The following MGAT4C variants were observed in gnomAD, a reference collection of about 807,000 sequenced individuals.
MGAT4C encodes alpha-1,3-mannosyl-glycoprotein 4-beta-N-acetylglucosaminyltransferase C.
Under a neutral mutation model 40.1 loss-of-function variants are expected in MGAT4C, and 19 were observed. The observed-to-expected ratio is 0.47, with a 90% confidence interval of 0.33 to 0.70. The LOEUF is 0.70. Among genes scored for constraint, MGAT4C ranks in the 30% least tolerant of loss-of-function variants. MGAT4C has a pLI of 0.02. For missense variants in MGAT4C, 491 were observed against 563.2 expected (o/e 0.87, Z 1.30); for synonymous variants, 181 against 187.1 (o/e 0.97, Z 0.27).
chr12:86,667,997 T>G (rs1377838727), intron 2 of MGAT4C, among the ~76,000 whole-genome samples: 1 of 152,258 alleles, frequency 6.6e-6, no homozygotes, highest in African/African-American at 2.4e-5. Context: ...CTTGCTATAT[T>G]CTAATTCAAT....
At chr12:86,113,941 A>C (rs1877901975) in intron 1 of MGAT4C, among the ~76,000 whole-genome samples, 1 of 151,890 alleles carries the variant, frequency 6.6e-6, no homozygotes, top group Non-Finnish European at 1.5e-5. Flanking sequence ...TCACTCATTC[A>C]CCTTTTAAAA....
chr12:86,827,305 A>G (rs1055924933), intron 1 of MGAT4C, among the ~76,000 whole-genome samples: 1 of 151,526 alleles, frequency 6.6e-6, no homozygotes, highest in Non-Finnish European at 1.5e-5. Context: ...AAAAATGTAC[A>G]TGGTCAAAAA....
At chr12:86,223,945 A>G (rs1243916404) in intron 1 of MGAT4C, among the ~76,000 whole-genome samples, 4 of 152,152 alleles carry the variant, frequency 2.6e-5, no homozygotes, top group Admixed American at 2.0e-4. Context: ...TACCACAGCC[A>G]TTGACCACAT....
chr12:86,510,949 A>C (rs1277565046), intron 2 of MGAT4C, among the ~76,000 whole-genome samples: 12 of 151,948 alleles, frequency 7.9e-5, no homozygotes, highest in African/African-American at 2.7e-4. Context: ...GAAAGTCAAC[A>C]AGGATACCCA....
intron 1 of MGAT4C, among the ~76,000 whole-genome samples, chr12:86,734,911 T>G (rs560791451): frequency 2.0e-4 from 30 of 152,140 alleles, no homozygotes; most frequent in Non-Finnish European, 3.8e-4. Flanking sequence ...AGTGAAATAA[T>G]ATACTGAGAT....
At chr12:86,258,931 A>G (rs1952597943), upstream of MGAT4C, among the ~76,000 whole-genome samples, 1 of 151,994 alleles carries the variant, frequency 6.6e-6, no homozygotes, top group African/African-American at 2.4e-5. Context: ...TTTATCACAT[A>G]CATTAAGTCA....
At chr12:86,369,755 T>A (rs1222591435) in intron 3 of MGAT4C, among the ~76,000 whole-genome samples, 1 of 152,034 alleles carries the variant, frequency 6.6e-6, no homozygotes, top group Non-Finnish European at 1.5e-5. Context: ...CATTGCTTTT[T>A]TATTGTTGAT....
chr12:86,502,581 G>A (rs1357728306), intron 2 of MGAT4C, among the ~76,000 whole-genome samples: 1 of 147,996 alleles, frequency 6.8e-6, no homozygotes, highest in Non-Finnish European at 1.5e-5. Flanking sequence ...TTGGCACGGG[G>A]AAAGCAGTGT....
At chr12:86,165,646 G>C (rs1462166136) in intron 1 of MGAT4C, among the ~76,000 whole-genome samples, 4 of 151,994 alleles carry the variant, frequency 2.6e-5, no homozygotes, top group Non-Finnish European at 5.9e-5. Flanking sequence ...GAATTTTATT[G>C]TCAAGTGCTA....
At chr12:86,621,501 T>C (rs896103883) in intron 2 of MGAT4C, among the ~76,000 whole-genome samples, 2 of 152,106 alleles carry the variant, frequency 1.3e-5, no homozygotes, top group Non-Finnish European at 2.9e-5. Flanking sequence ...GGTTTTGAGA[T>C]AGAGTCTCAC....
In MGAT4C at chr12:86,012,778, AACCACCACCACC is replaced by A. The variant is rs1183997849; in HGVS notation, c.-6-23238_-6-23227del. Among the ~76,000 whole-genome samples, 29 of 136,442 alleles carry A rather than the reference AACCACCACCACC, an allele frequency of 2.1e-4. 1 individual carries two copies. Among genetic ancestry groups the A allele is most frequent in the African/African-American group, 5.5e-4 (20 of 36,546 alleles). The allele number at this position is 136,442 out of a possible 152,430, so 89.5% of individuals were successfully genotyped here. Reference sequence around the variant, plus strand: ...AAACAACAACAACAACAACAACAACAACCACCACCACCACCACCACCACCACCACCACCACCA... The same window carrying A: ...AAACAACAACAACAACAACAACAACAACCACCACCACCACCACCACCACCA... On this transcript the variant is annotated intron_variant, in intron 2 of 4. Coordinates refer to ENST00000611864, the MANE Select transcript of MGAT4C (RefSeq NM_001351288.2).
chr12:86,433,522 TA>T (rs1957082090), intron 3 of MGAT4C, among the ~76,000 whole-genome samples: 2 of 151,964 alleles, frequency 1.3e-5, no homozygotes, highest in African/African-American at 2.4e-5. Flanking sequence ...AAAGCAAATA[TA>T]TTTTTTTTTA....
chr12:86,111,988 G>A (rs1877500821), intron 1 of MGAT4C, among the ~76,000 whole-genome samples: 1 of 151,796 alleles, frequency 6.6e-6, no homozygotes, highest in South Asian at 2.1e-4. Flanking sequence ...TGCCAAATAT[G>A]TATGTACATG....
At chr12:86,041,744 C>T (rs1189613860) in intron 2 of MGAT4C, among the ~76,000 whole-genome samples, 1 of 152,116 alleles carries the variant, frequency 6.6e-6, no homozygotes, top group African/African-American at 2.4e-5. Flanking sequence ...GACAATTATG[C>T]AGTCAATTTC....
intron 1 of MGAT4C, among the ~76,000 whole-genome samples, chr12:86,129,544 CTTTTTT>C (rs751908017): frequency 1.3e-4 from 2 of 15,070 alleles, no homozygotes; most frequent in Non-Finnish European, 1.9e-4. Flanking sequence ...CTTACACAAT[CTTTTTT>C]TTTTTTTTTT....
chr12:86,232,136 A>G (rs1021240480), intron 1 of MGAT4C, among the ~76,000 whole-genome samples: 1 of 148,486 alleles, frequency 6.7e-6, no homozygotes, highest in Non-Finnish European at 1.5e-5. Context: ...CTCTCTTCCA[A>G]AAAAGAAAAA....
intron 1 of MGAT4C, among the ~76,000 whole-genome samples, chr12:86,730,216 A>G (rs559291344): frequency 1.3e-5 from 2 of 152,200 alleles, no homozygotes; most frequent in South Asian, 2.1e-4. Context: ...ATTGAATTCC[A>G]TATAATATTT....
chr12:86,707,082 C>A (rs1310102924), intron 2 of MGAT4C, among the ~76,000 whole-genome samples: 1 of 152,136 alleles, frequency 6.6e-6, no homozygotes, highest in East Asian at 1.9e-4. Flanking sequence ...GTCCTTTAAA[C>A]CTCTCTCCTT....
intron 1 of MGAT4C, among the ~76,000 whole-genome samples, chr12:86,778,990 ATAT>A (rs1415684792): frequency 1.4e-5 from 2 of 148,040 alleles, no homozygotes; most frequent in Non-Finnish European, 3.0e-5. Context: ...AAATATATAC[ATAT>A]TATACATACA....
Sources: allele counts gnomAD v4.1 joint callset (sites outside exome capture counted in the v4.1 genomes callset), GRCh38; gene constraint gnomAD v4.1.1; transcripts MANE v1.5; gene names NCBI Gene and HGNC (gene_info 2026-07-23, HGNC 2026-07-21).